The following COL6A1 variants were observed in gnomAD, a reference collection of about 807,000 sequenced individuals.
The protein encoded by COL6A1 is collagen alpha-1(VI) chain.
Under a neutral mutation model 145.6 loss-of-function variants are expected in COL6A1, and 80 were observed. The observed-to-expected ratio is 0.55, with a 90% CI of 0.46 to 0.66. The LOEUF (loss-of-function observed/expected upper bound fraction) is 0.66. Among genes scored for constraint, COL6A1 ranks in the 30% least tolerant of loss-of-function variants. COL6A1 has a pLI of 0.00. For missense variants in COL6A1, 1,364 were observed against 1,473.8 expected, an observed-to-expected ratio of 0.93 and a Z score of 1.22; for synonymous variants, 638 against 622.8, an observed-to-expected ratio of 1.02 and a Z score of -0.36.
intron 18 of COL6A1, among the ~76,000 whole-genome samples, 174 bp from the exon 19 acceptor site, chr21:45,992,574 G>T (rs2077782943): frequency 6.6e-6 from 1 of 152,226 alleles, no homozygotes; most frequent in South Asian, 2.1e-4. Flanking sequence ...GAGCGGGTGG[G>T]ACCTGGGGAA....
Position 45,982,041 on chromosome 21 carries a change from G to A in COL6A1, c.97+94G>A, listed in dbSNP as rs942171686. 1.6e-5 allele frequency: 16 copies of A among 1,016,170 alleles called. No individual in the cohort carries two copies. The African/African-American group carries it at 2.4e-4, about 15-fold the overall frequency. The allele number at this position is 1,016,170 out of a possible 1,614,324, so 62.9% of individuals were successfully genotyped here. ...GGGGTCCCCTCCCACGCGTGGAACTGCAGACTGGGGGCCTGGAGCCCCTGA... is the reference window on the plus strand; with the variant it reads ...GGGGTCCCCTCCCACGCGTGGAACTACAGACTGGGGGCCTGGAGCCCCTGA... On this transcript the variant is annotated intron_variant, in intron 1 of 34. Coordinates refer to ENST00000361866, the MANE Select transcript of COL6A1 (RefSeq NM_001848.3).
Position 45,984,255 on chromosome 21 carries a change from C to T in COL6A1, c.228-14C>T. 6.3e-7 allele frequency: 1 copy of T among 1,599,874 alleles called. No homozygotes were observed. The highest frequency in any genetic ancestry group is 8.5e-7 in the Non-Finnish European group (1 of 1,174,054). ...GGCCGCCCGCCTCACGCCCGCCGTGCCTGTTCCTGGCAGGTACTACCGCTG... is the reference window on the plus strand; with the variant it reads ...GGCCGCCCGCCTCACGCCCGCCGTGTCTGTTCCTGGCAGGTACTACCGCTG... On this transcript the variant is annotated splice_polypyrimidine_tract_variant and intron_variant, in intron 2 of 34. Coordinates refer to ENST00000361866, the MANE Select transcript of COL6A1 (RefSeq NM_001848.3).
intron 24 of COL6A1, among the ~76,000 whole-genome samples, chr21:45,998,656 C>T (rs958251695): frequency 1.3e-5 from 2 of 152,170 alleles, no homozygotes; most frequent in Non-Finnish European, 2.9e-5. Context: ...GGTCTCCTCA[C>T]GGCCCTGACT....
rs1013250848 is a variant in COL6A1, at chr21:45,996,557, CCACAGGCCAGGGACAGGCGTCTGAGCAGG to C, written c.1399-842_1399-814del. ...GCCTCATCGGGAAGCATCAGCCTAA[CCACAGGCCAGGGACAGGCGTCTGAGCAGG>C]CACAGGCCAGGGACAGGCGTCCGAC... On this transcript the variant is annotated intron_variant, in intron 20 of 34. Transcript: ENST00000361866. 7.9e-4 allele frequency among the ~76,000 whole-genome samples: 120 copies of C among 152,196 alleles called. 1 individual carries two copies. Among genetic ancestry groups the C allele is most frequent in the East Asian group, 6.2e-3 (32 of 5,174 alleles).
intron 3 of COL6A1, among the ~76,000 whole-genome samples, chr21:45,985,679 C>G (rs1076608): frequency 0.18 from 27,369 of 152,210 alleles, 4,257 homozygotes; most frequent in African/African-American, 0.42. Flanking sequence ...CCTCAGGATC[C>G]CAGTGGGGGT....
In COL6A1 at chr21:45,997,749, T is replaced by C; in HGVS notation, c.1511T>C (p.Leu504Pro). 1 of 1,593,348 alleles carries C rather than the reference T, an allele frequency of 6.3e-7. No homozygotes were observed. Among genetic ancestry groups the C allele is most frequent in the Non-Finnish European group, 8.5e-7 (1 of 1,170,150 alleles). Residue 504 changes from leucine to proline, a missense_variant, in exon 22 of 35, where the codon CTG becomes CCG. Physicochemically the swap from Leu to Pro is moderately conservative, Grantham distance 98 (BLOSUM62 -3). This residue lies in a region of COL6A1 where 938 missense variants were observed against 1,003.8 expected (regional missense o/e 0.93). Transcript: ENST00000361866. Reference sequence around the variant, plus strand: ...GCCGGACCCCCTGGAGACCCGGGGCTGATGGGTGAAAGGGTGAGTGTCCAA... The same window carrying C: ...GCCGGACCCCCTGGAGACCCGGGGCCGATGGGTGAAAGGGTGAGTGTCCAA... The part of the protein sequence containing the change: ...GPAGPPGDPG[L>P]MGERGEDGPA...
At position 46,001,323 on chromosome 21, in the gene COL6A1, C is replaced by G. The variant is rs374031718; in HGVS notation, c.1893C>G (p.Phe631Leu). 6.2e-7 allele frequency: 1 copy of G among 1,612,708 alleles called. No homozygotes were observed. Among genetic ancestry groups the G allele is most frequent in the East Asian group, 2.2e-5 (1 of 44,878 alleles). The change falls in exon 30 of 35, where the codon TTC becomes TTG. Residue 631 changes from phenylalanine (F) to leucine (L), a missense_variant. By Grantham distance (22) the Phe-to-Leu change is conservative. This residue lies in a region of COL6A1 where 938 missense variants were observed against 1,003.8 expected (regional missense o/e 0.93). Transcript: ENST00000361866. ...DSSESIGLQN[F>L]EIAKDFVVKV... ...CAGAGAGCATTGGCCTGCAGAACTT[C>G]GAGATTGCCAAGGACTTCGTCGTCA... is the stretch of plus-strand genomic sequence containing the variant.
Position 46,002,740 on chromosome 21 carries a change from G to A in COL6A1, c.2434+30G>A, listed in dbSNP as rs776900132. 7 of 1,560,280 alleles carry A rather than the reference G, an allele frequency of 4.5e-6. No individual in the cohort carries two copies. In the Admixed American group the frequency reaches 1.2e-4, roughly 27 times the overall value. ...GCATGGGGCCACCCGGGCAGTCCCAGATCTGCGTAGGTGCGCGCGGGGCCG... is the reference window on the plus strand; with the variant it reads ...GCATGGGGCCACCCGGGCAGTCCCAAATCTGCGTAGGTGCGCGCGGGGCCG... On this transcript the variant is annotated intron_variant, in intron 33 of 34. Coordinates refer to ENST00000361866, the MANE Select transcript of COL6A1 (RefSeq NM_001848.3).
Position 45,987,158 on chromosome 21 carries a change from A to G in COL6A1, c.721A>G (p.Asn241Asp), listed in dbSNP as rs1406344275. 6.3e-7 allele frequency: 1 copy of G among 1,598,788 alleles called. No homozygotes were observed. Among genetic ancestry groups the G allele is most frequent in the African/African-American group, 1.3e-5 (1 of 74,938 alleles). ...GCGTTTCCATTTCTCTTTCCAGAAA[A>G]ATAACGTGGAGCAAGTGGTAAGAGC... is the stretch of plus-strand genomic sequence containing the variant. ...TIDTIVDMIK[N>D]NVEQVCCSFE... Residue 241 changes from asparagine (N) to aspartate (D), a missense_variant, in exon 6 of 35, where the codon AAT (asparagine) becomes GAT (aspartate). Physicochemically the swap from Asn to Asp is conservative, Grantham distance 23. Coordinates refer to ENST00000361866, the MANE Select transcript of COL6A1 (RefSeq NM_001848.3).
intron 27 of COL6A1, 72 bp from the exon 28 acceptor site, chr21:46,000,259 G>A: frequency 1.3e-6 from 2 of 1,591,510 alleles, no homozygotes; most frequent in East Asian, 2.2e-5. Flanking sequence ...GTGACCTGGA[G>A]ATCCAGCAGC....
intron 3 of COL6A1, among the ~76,000 whole-genome samples, chr21:45,985,592 T>C (rs2077734948): frequency 6.6e-6 from 1 of 152,214 alleles, no homozygotes. Context: ...AGTGTCCAGC[T>C]GTGGGGACGC....
chr21:45,998,502 G>A (rs2077819804), intron 24 of COL6A1, 69 bp downstream of exon 24: 2 of 1,602,258 alleles, frequency 1.2e-6, no homozygotes, highest in African/African-American at 1.3e-5. Flanking sequence ...ACACGCACGT[G>A]TGAACACACA....
rs8132678 is a variant in COL6A1 at position 46,002,065 on chromosome 21, C to A, written c.2061C>A (p.Leu687=). The A allele has an allele frequency of 2.0e-3, 3,285 of 1,610,988 alleles. 52 individuals are homozygous for A. The African/African-American group carries it at 0.038, about 19-fold the overall frequency. Reference sequence around the variant, plus strand: ...CCAGCATCCGGAACGTGCAGGAGCTCAAGGAGTGAGTGCCCCACGCGGCCA... The same window carrying A: ...CCAGCATCCGGAACGTGCAGGAGCTAAAGGAGTGAGTGCCCCACGCGGCCA... ...RSPSIRNVQE[L]KEAIKSLQWM... The change falls in exon 31 of 35, where the codon CTC becomes CTA. Residue 687 remains leucine (L), a synonymous_variant. Coordinates refer to ENST00000361866, the MANE Select transcript of COL6A1 (RefSeq NM_001848.3).
chr21:45,982,872 G>C, intron 2 of COL6A1, 109 bp downstream of exon 2: 1 of 1,505,074 alleles, frequency 6.6e-7, no homozygotes, highest in Non-Finnish European at 9.1e-7. Context: ...CTAAGGTTGG[G>C]CGAGCGTTGC....
chr21:45,991,063 G>A (rs762038811), intron 15 of COL6A1, 22 bp downstream of exon 15: 2 of 1,612,382 alleles, frequency 1.2e-6, no homozygotes, highest in South Asian at 2.2e-5. Flanking sequence ...GCGGCCCCTG[G>A]AGGACCAGGG....
Position 46,004,508 on chromosome 21 carries a change from GT to G in COL6A1, c.*500del. ...TCCCTCTCCTCTGTCCCCATAGCTG[GT>G]TTTTCCCACCAATCCTCACCTAACA... On this transcript the variant is annotated 3_prime_UTR_variant, in exon 35 of 35. Coordinates refer to ENST00000361866, the MANE Select transcript of COL6A1 (RefSeq NM_001848.3). 3.2e-6 allele frequency: 1 copy of G among 313,858 alleles called. No individual in the cohort carries two copies. The highest frequency in any genetic ancestry group is 6.5e-6 in the Non-Finnish European group (1 of 152,762). 19.4% of individuals were successfully genotyped at this position (313,858 alleles called of 1,614,324 possible). A position where few individuals can be genotyped will look rare whatever the true frequency, so the allele number is the denominator to read the frequency against.
rs758462344 is a variant in COL6A1 at position 45,997,408 on chromosome 21, CATCT to C, written c.1399-12_1399-9del. ...GGCCTGTGGTCCAACGTGCCATATC[CATCT>C]CTCTACAGGGCGAGGCTGGCCCTAT... On this transcript the variant is annotated splice_polypyrimidine_tract_variant and intron_variant, in intron 20 of 34. Coordinates refer to ENST00000361866, the MANE Select transcript of COL6A1 (RefSeq NM_001848.3). 22 of 1,612,576 alleles carry C rather than the reference CATCT, an allele frequency of 1.4e-5. 1 individual carries two copies. The South Asian group carries it at 2.3e-4, about 17-fold the overall frequency.
At chr21:45,987,339 T>G in intron 6 of COL6A1, 160 bp from the exon 7 acceptor site, 1 of 1,451,578 alleles carries the variant, frequency 6.9e-7, no homozygotes, top group Non-Finnish European at 9.6e-7. Context: ...TCCCCCTGCG[T>G]GTCCACCTGT....
At position 45,989,461 on chromosome 21, in the gene COL6A1, G is replaced by A. The variant is rs943237687; in HGVS notation, c.859-147G>A. 1.7e-5 allele frequency: 15 copies of A among 877,114 alleles called. No homozygotes were observed. In the African/African-American group the frequency reaches 2.5e-4, roughly 15 times the overall value. 54.3% of individuals were successfully genotyped at this position (877,114 alleles called of 1,614,324 possible). A position where few individuals can be genotyped will look rare whatever the true frequency, so the allele number is the denominator to read the frequency against. On this transcript the variant is annotated intron_variant, in intron 9 of 34. Coordinates refer to ENST00000361866, the MANE Select transcript of COL6A1 (RefSeq NM_001848.3). The stretch of plus-strand genomic sequence containing the variant: ...TTCCCTCCCCCAGCTCCACCTTGGA[G>A]GGCCTCGGCACCATGGGCCCCGTGC...
Sources: allele counts gnomAD v4.1 joint callset (sites outside exome capture counted in the v4.1 genomes callset), GRCh38; gene constraint gnomAD v4.1.1; regional missense constraint gnomAD v4.1.1; transcripts MANE v1.5; gene names NCBI Gene and HGNC (gene_info 2026-07-23, HGNC 2026-07-21).